Variants in DAP observed in about 807,000 individuals in gnomAD.
DAP encodes the protein death-associated protein 1.
Under a neutral mutation model 13.8 loss-of-function variants are expected in DAP, and 8 were observed. The ratio of observed to expected loss-of-function variants is 0.58; its 90% CI spans 0.34 to 1.05. The LOEUF (loss-of-function observed/expected upper bound fraction) is 1.05, where lower values mean the gene tolerates loss of function less well. DAP is among the 50% of genes least tolerant of loss of function. The probability of loss-of-function intolerance (pLI) is 0.03; values close to 1 mark genes in which losing one functional copy is unlikely to be tolerated. For synonymous variants in DAP, 47 were observed against 47.5 expected, an observed-to-expected ratio of 0.99 and a Z score of 0.04; for missense variants, 106 against 133.2, an observed-to-expected ratio of 0.80 and a Z score of 1.01.
Position 10,752,347 on chromosome 5 carries a change from C to T in DAP, c.56-4076G>A, listed in dbSNP as rs16885296. Among the ~76,000 whole-genome samples, 783 of 152,232 alleles carry T rather than the reference C, an allele frequency of 5.1e-3. 7 individuals are homozygous for T. The highest frequency in any genetic ancestry group is 0.017 in the African/African-American group (721 of 41,534). On this transcript the variant is annotated intron_variant, in intron 1 of 3. Coordinates refer to ENST00000230895, the MANE Select transcript of DAP (RefSeq NM_004394.3). Reference sequence around the variant, plus strand: ...AGATTCATTTTAACTTACAATACTGCCAAAAAATATGACAGCACATATTTA... The same window carrying T: ...AGATTCATTTTAACTTACAATACTGTCAAAAAATATGACAGCACATATTTA...
intron 2 of DAP, among the ~76,000 whole-genome samples, chr5:10,698,282 C>CAAAAAAAAAAAAA (rs71613386): frequency 4.7e-5 from 2 of 42,896 alleles, no homozygotes; most frequent in Admixed American, 3.2e-4. Context: ...CCAGACTTAG[C>CAAAAAAAAAAAAA]AAAAAAAAAA....
intron 2 of DAP, among the ~76,000 whole-genome samples, chr5:10,711,990 T>TTC (rs1266379760): frequency 6.6e-6 from 1 of 152,136 alleles, no homozygotes; most frequent in Admixed American, 6.6e-5. Context: ...AGCAACACAT[T>TTC]CCTATGTTGA....
chr5:10,760,963 C>G, intron 1 of DAP, 51 bp downstream of exon 1: 1 of 1,167,410 alleles, frequency 8.6e-7, no homozygotes, highest in Non-Finnish European at 1.1e-6. Context: ...CCCCCGGGTT[C>G]GAGCCCGCCC....
intron 1 of DAP, among the ~76,000 whole-genome samples, chr5:10,749,895 G>A (rs747804997): frequency 7.2e-5 from 11 of 152,136 alleles, no homozygotes; most frequent in Non-Finnish European, 1.2e-4. Context: ...GGGTCGGCAC[G>A]TTCCTCCACG....
At chr5:10,686,674 T>C (rs1455741528) in intron 2 of DAP, among the ~76,000 whole-genome samples, 1 of 152,164 alleles carries the variant, frequency 6.6e-6, no homozygotes, top group Non-Finnish European at 1.5e-5. Context: ...GAAGAAAAGA[T>C]GGAAACTAGC....
intron 2 of DAP, among the ~76,000 whole-genome samples, chr5:10,742,692 C>G (rs1354252133): frequency 6.6e-6 from 1 of 152,110 alleles, no homozygotes; most frequent in Admixed American, 6.5e-5. Flanking sequence ...CCAGGCTCAT[C>G]TAGTATTTTT....
intron 1 of DAP, among the ~76,000 whole-genome samples, chr5:10,753,596 C>T (rs901244824): frequency 3.3e-5 from 5 of 152,192 alleles, no homozygotes; most frequent in South Asian, 4.1e-4. Context: ...TGTCAGGATG[C>T]CTGGCTGTAA....
intron 2 of DAP, among the ~76,000 whole-genome samples, chr5:10,688,391 A>ATTAAG (rs969167524): frequency 2.0e-5 from 3 of 150,768 alleles, no homozygotes; most frequent in African/African-American, 7.3e-5. Context: ...AAAATTTTAA[A>ATTAAG]TTAAGTTATG....
Position 10,735,272 on chromosome 5 carries a change from T to C in DAP, c.152+12903A>G, listed in dbSNP as rs546566723. Among the ~76,000 whole-genome samples, 8 of 152,332 alleles carry C rather than the reference T, an allele frequency of 5.3e-5. No individual in the cohort carries two copies. In the South Asian group the frequency reaches 6.2e-4, roughly 12 times the overall value. Reference sequence around the variant, plus strand: ...AGGGAAGCGCTCCTGCCTGTCGTCATTGGTCTCCATGTTACAAATACCAAC... The same window carrying C: ...AGGGAAGCGCTCCTGCCTGTCGTCACTGGTCTCCATGTTACAAATACCAAC... On this transcript the variant is annotated intron_variant, in intron 2 of 3. Transcript: ENST00000230895.
At chr5:10,717,011 T>C (rs568873101) in intron 2 of DAP, among the ~76,000 whole-genome samples, 66 of 152,356 alleles carry the variant, frequency 4.3e-4, no homozygotes, top group African/African-American at 1.5e-3. Context: ...TTTAGACTTA[T>C]GCAAAATAAA....
intron 2 of DAP, among the ~76,000 whole-genome samples, chr5:10,730,785 C>T (rs1310880672): frequency 3.4e-4 from 27 of 80,056 alleles, no homozygotes; most frequent in South Asian, 4.9e-4. Flanking sequence ...AGGGGGAATC[C>T]TTCTCTATTG....
At chr5:10,751,663 A>G (rs1414644725) in intron 1 of DAP, among the ~76,000 whole-genome samples, 1 of 152,226 alleles carries the variant, frequency 6.6e-6, no homozygotes, top group Non-Finnish European at 1.5e-5. Context: ...AGAGGGTCTT[A>G]AAAGACAATT....
chr5:10,718,381 C>A (rs1401635362), intron 2 of DAP, among the ~76,000 whole-genome samples: 2 of 152,178 alleles, frequency 1.3e-5, no homozygotes, highest in Non-Finnish European at 2.9e-5. Flanking sequence ...GGTGGCAGAA[C>A]CCCAACATTG....
Position 10,761,010 on chromosome 5 carries a change from G to T in DAP, c.55+4C>A. On this transcript the variant is annotated splice_donor_region_variant and intron_variant, in intron 1 of 3. Transcript: ENST00000230895. ...GCGTGGAGAGAGAGGAAAAGAGTCA[G>T]TACCGGCGGGCGGGTGTCCAGCTTT... is the stretch of plus-strand genomic sequence containing the variant. 1 of 1,220,102 alleles carries T rather than the reference G, an allele frequency of 8.2e-7. No individual in the cohort carries two copies. The highest frequency in any genetic ancestry group is 1.0e-6 in the Non-Finnish European group (1 of 968,710). 75.6% of individuals were successfully genotyped at this position (1,220,102 alleles called of 1,614,324 possible).
intron 2 of DAP, among the ~76,000 whole-genome samples, chr5:10,693,573 T>C (rs964549208): frequency 3.3e-5 from 5 of 152,168 alleles, no homozygotes; most frequent in African/African-American, 1.2e-4. Context: ...ATTTCACAGA[T>C]TGGAATGGTA....
chr5:10,737,171 C>T (rs1736810427), intron 2 of DAP, among the ~76,000 whole-genome samples: 2 of 152,072 alleles, frequency 1.3e-5, no homozygotes, highest in African/African-American at 2.4e-5. Context: ...ATAGTGATAT[C>T]CTGTCTCTAC....
At chr5:10,689,074 AT>A (rs1379737287) in intron 2 of DAP, among the ~76,000 whole-genome samples, 1 of 152,118 alleles carries the variant, frequency 6.6e-6, no homozygotes, top group Non-Finnish European at 1.5e-5. Flanking sequence ...CGTCTCCTGC[AT>A]TGATCACGAC....
intron 2 of DAP, among the ~76,000 whole-genome samples, chr5:10,738,620 A>T (rs899675887): frequency 1.3e-5 from 2 of 152,266 alleles, no homozygotes; most frequent in Non-Finnish European, 2.9e-5. Flanking sequence ...GAAAGATTTT[A>T]AAAAGCTGGA....
intron 2 of DAP, among the ~76,000 whole-genome samples, chr5:10,697,855 G>A (rs186802289): frequency 9.2e-5 from 14 of 152,286 alleles, no homozygotes; most frequent in African/African-American, 3.1e-4. Context: ...ATGTTTTTGT[G>A]TCGAACCCAG....
Sources: gnomAD v4.1 joint callset for allele counts (sites outside exome capture counted in the v4.1 genomes callset) on GRCh38, gnomAD v4.1.1 for gene constraint, MANE v1.5 for transcripts, NCBI Gene and HGNC (gene_info 2026-07-23, HGNC 2026-07-21) for gene names.